NEK10: variants seen among roughly 807,000 people sequenced by gnomAD.
The protein encoded by NEK10 is NIMA related kinase 10.
Under a neutral mutation model 159.8 loss-of-function variants are expected in NEK10, and 122 were observed. The observed-to-expected ratio is 0.76, with a 90% confidence interval of 0.66 to 0.89. The LOEUF (loss-of-function observed/expected upper bound fraction) is 0.89. Ranked by LOEUF, NEK10 falls within the 40% of genes least tolerant of loss-of-function variation. The pLI is 0.00. For missense variants in NEK10, 1,342 were observed against 1,323.1 expected (o/e 1.01, Z -0.22); for synonymous variants, 466 against 457.1 (o/e 1.02, Z -0.25).
At position 27,297,192 on chromosome 3, in the gene NEK10, T is replaced by C. The variant is rs372412417; in HGVS notation, c.1217A>G (p.His406Arg). Residue 406 changes from histidine (H) to arginine (R), a missense_variant, in exon 14 of 36, where the codon CAC (histidine) becomes CGC (arginine). Coordinates refer to ENST00000691995, the MANE Select transcript of NEK10 (RefSeq NM_001394966.1). ...TELVLNDTNA[H>R]QVVQENGVYT... ...GAGTGCTCTCACCTGAACCACCTGG[T>C]GGGCATTGGTGTCATTGAGCACCAG... 1.2e-6 allele frequency: 2 copies of C among 1,612,746 alleles called. No individual in the cohort carries two copies. The highest frequency in any genetic ancestry group is 1.7e-4 in the Middle Eastern group (1 of 6,056).
chr3:27,241,765 A>C (rs563602735), intron 23 of NEK10, among the ~76,000 whole-genome samples: 69 of 152,334 alleles, frequency 4.5e-4, no homozygotes, highest in African/African-American at 1.6e-3. Context: ...AGAGAAAGAA[A>C]CCCAGCAAGG....
intron 5 of NEK10, among the ~76,000 whole-genome samples, chr3:27,322,682 G>A (rs909343422): frequency 6.6e-6 from 1 of 152,228 alleles, no homozygotes; most frequent in East Asian, 1.9e-4. Context: ...ATGGGGGTGT[G>A]TGCATTAGTG....
intron 22 of NEK10, among the ~76,000 whole-genome samples, chr3:27,282,058 G>A (rs899761142): frequency 6.6e-6 from 1 of 152,158 alleles, no homozygotes; most frequent in African/African-American, 2.4e-5. Flanking sequence ...TTACACAGCA[G>A]CAATAATGTA....
At chr3:27,365,274 T>C (rs2048973359) in intron 1 of NEK10, among the ~76,000 whole-genome samples, 1 of 152,206 alleles carries the variant, frequency 6.6e-6, no homozygotes, top group Admixed American at 6.5e-5. Context: ...CTGCTTGTAG[T>C]TTTTACTTTA....
At chr3:27,322,332 C>T in intron 5 of NEK10, 71 bp from the exon 6 acceptor site, 1 of 920,100 alleles carries the variant, frequency 1.1e-6, no homozygotes, top group Admixed American at 2.1e-5. Flanking sequence ...AAATGCAAGG[C>T]TATGAAGGAG....
intron 35 of NEK10, among the ~76,000 whole-genome samples, chr3:27,112,098 CCTGTT>C (rs1939656162): frequency 6.6e-6 from 1 of 152,146 alleles, no homozygotes; most frequent in African/African-American, 2.4e-5. Context: ...TCTTTCTGTT[CCTGTT>C]ACCATTTTCT....
intron 5 of NEK10, among the ~76,000 whole-genome samples, chr3:27,333,546 CAAAA>C (rs141145764): frequency 9.4e-6 from 1 of 106,018 alleles, no homozygotes. Flanking sequence ...AACTCCGTCT[CAAAA>C]AAAAAAAAAA....
At chr3:27,360,656 T>A (rs963112475) in intron 1 of NEK10, among the ~76,000 whole-genome samples, 1 of 152,208 alleles carries the variant, frequency 6.6e-6, no homozygotes, top group Non-Finnish European at 1.5e-5. Flanking sequence ...TAACAACAAC[T>A]GATGTTTGCA....
rs764783127 is a variant in NEK10 at position 27,291,253 on chromosome 3, G to A, written c.1605+9C>T. On this transcript the variant is annotated intron_variant, in intron 18 of 35. Coordinates refer to ENST00000691995, the MANE Select transcript of NEK10 (RefSeq NM_001394966.1). Reference sequence around the variant, plus strand: ...GAGTATCAGAAATGTTCCCCAAGGGGAAAGTCACCTTGTAAACACAGCCAA... The same window carrying A: ...GAGTATCAGAAATGTTCCCCAAGGGAAAAGTCACCTTGTAAACACAGCCAA... 15 of 1,609,262 alleles carry A rather than the reference G, an allele frequency of 9.3e-6. No homozygotes were observed. The highest frequency in any genetic ancestry group is 1.2e-5 in the Non-Finnish European group (14 of 1,178,626).
chr3:27,257,542 TTAATAA>T (rs1159620146), intron 22 of NEK10, among the ~76,000 whole-genome samples: 2 of 152,172 alleles, frequency 1.3e-5, no homozygotes, highest in Non-Finnish European at 1.5e-5. Flanking sequence ...ATTCGCATTA[TTAATAA>T]TAATACACGT....
At chr3:27,344,071 TTA>T (rs1188809546) in intron 5 of NEK10, among the ~76,000 whole-genome samples, 199 bp downstream of exon 5, 2 of 152,218 alleles carry the variant, frequency 1.3e-5, no homozygotes, top group East Asian at 3.9e-4. Context: ...CCATTTTTCC[TTA>T]TCTGTCATAA....
At chr3:27,150,614 G>C (rs1944735592) in intron 30 of NEK10, among the ~76,000 whole-genome samples, 1 of 152,146 alleles carries the variant, frequency 6.6e-6, no homozygotes, top group African/African-American at 2.4e-5. Context: ...GATGTTCTTT[G>C]ACAAAATACT....
intron 13 of NEK10, among the ~76,000 whole-genome samples, 181 bp downstream of exon 13, chr3:27,301,515 T>C (rs182111707): frequency 6.6e-6 from 1 of 152,336 alleles, no homozygotes; most frequent in East Asian, 1.9e-4. Flanking sequence ...ACATTTGTTG[T>C]ATCATTCATC....
At chr3:27,364,032 C>T (rs182339852) in intron 1 of NEK10, among the ~76,000 whole-genome samples, 2 of 151,616 alleles carry the variant, frequency 1.3e-5, no homozygotes, top group Admixed American at 6.6e-5. Context: ...TCTTTAGAAC[C>T]GTCAACAACT....
intron 22 of NEK10, among the ~76,000 whole-genome samples, chr3:27,275,187 G>T (rs2041680872): frequency 6.6e-6 from 1 of 152,118 alleles, no homozygotes; most frequent in African/African-American, 2.4e-5. Context: ...ACCCCATCTG[G>T]CTCTAACTTT....
intron 26 of NEK10, among the ~76,000 whole-genome samples, chr3:27,191,091 G>A (rs1949071155): frequency 6.6e-6 from 1 of 152,154 alleles, no homozygotes; most frequent in African/African-American, 2.4e-5. Flanking sequence ...CCACTAAACA[G>A]TAGTACTTTC....
chr3:27,174,625 G>C, intron 27 of NEK10, 25 bp downstream of exon 27: 1 of 1,602,128 alleles, frequency 6.2e-7, no homozygotes, highest in Non-Finnish European at 8.5e-7. Flanking sequence ...CAGTACCTAC[G>C]TTGACACACT....
intron 22 of NEK10, among the ~76,000 whole-genome samples, chr3:27,261,848 G>A (rs2040439142): frequency 2.0e-5 from 3 of 152,164 alleles, no homozygotes; most frequent in Admixed American, 1.3e-4. Flanking sequence ...CTATTATTGT[G>A]TGGGAGTCTA....
At chr3:27,184,030 T>C (rs1363746465) in intron 26 of NEK10, among the ~76,000 whole-genome samples, 1 of 152,178 alleles carries the variant, frequency 6.6e-6, no homozygotes, top group Non-Finnish European at 1.5e-5. Context: ...TGGTGCTTTC[T>C]TTAACAGTTA....
Sources: allele counts gnomAD v4.1 joint callset (sites outside exome capture counted in the v4.1 genomes callset), GRCh38; gene constraint gnomAD v4.1.1; transcripts MANE v1.5; gene names NCBI Gene and HGNC (gene_info 2026-07-23, HGNC 2026-07-21).